Variants in SHISA9 observed in about 807,000 individuals in gnomAD.
SHISA9 encodes shisa family member 9, also known as protein shisa-9.
A neutral mutation model predicts 38.0 loss-of-function variants in SHISA9; 13 were observed. That is an observed-to-expected ratio of 0.34 (90% CI 0.22 to 0.54). The LOEUF (loss-of-function observed/expected upper bound fraction) is 0.54, where lower values mean the gene tolerates loss of function less well. SHISA9 is among the 20% of genes least tolerant of loss of function. The pLI is 0.91. For synonymous variants in SHISA9, 275 were observed against 242.0 expected, an observed-to-expected ratio of 1.14 and a Z score of -1.27; for missense variants, 538 against 575.8, an observed-to-expected ratio of 0.93 and a Z score of 0.67.
chr16:13,296,891 CAAAAAAAAA>C, the SHISA9 span, among the ~76,000 whole-genome samples: 50 of 26,604 alleles, frequency 1.9e-3, no homozygotes, highest in African/African-American at 5.6e-3. Flanking sequence ...AACTCCATCT[CAAAAAAAAA>C]AAAAAAAAAA....
intron 2 of SHISA9, among the ~76,000 whole-genome samples, chr16:13,126,534 GGAGA>G (rs1467418721): frequency 1.4e-5 from 2 of 146,964 alleles, no homozygotes; most frequent in African/African-American, 5.1e-5. Context: ...AGGGAGAGAG[GGAGA>G]GAGAAAGAGA....
At chr16:13,186,326 C>G (rs2050822731) in intron 2 of SHISA9, among the ~76,000 whole-genome samples, 1 of 104,906 alleles carries the variant, frequency 9.5e-6, no homozygotes, top group African/African-American at 3.7e-5. Context: ...GAGATGGAGT[C>G]TTGCTCTGTC....
At chr16:13,309,786 C>T in the SHISA9 span, among the ~76,000 whole-genome samples, 3 of 152,066 alleles carry the variant, frequency 2.0e-5, no homozygotes, top group Non-Finnish European at 4.4e-5. Context: ...TGACCACACT[C>T]TTGGGAACAC....
At chr16:13,472,376 A>ATTTTTTTT in the SHISA9 span, among the ~76,000 whole-genome samples, 6 of 113,434 alleles carry the variant, frequency 5.3e-5, no homozygotes, top group African/African-American at 2.1e-4. Context: ...CGCTCTGCTA[A>ATTTTTTTT]ATTTTTTTTT....
At chr16:13,052,868 A>G (rs2073267783) in intron 2 of SHISA9, among the ~76,000 whole-genome samples, 1 of 152,070 alleles carries the variant, frequency 6.6e-6, no homozygotes, top group South Asian at 2.1e-4. Flanking sequence ...TTGGTTGGGG[A>G]AACTGAGGCT....
chr16:13,430,256 T>C, the SHISA9 span, among the ~76,000 whole-genome samples: 6 of 152,222 alleles, frequency 3.9e-5, no homozygotes, highest in African/African-American at 1.4e-4. Flanking sequence ...ATACAGTCCT[T>C]AATAATCTAA....
At chr16:13,101,720 C>T (rs2073880615) in intron 2 of SHISA9, among the ~76,000 whole-genome samples, 1 of 152,202 alleles carries the variant, frequency 6.6e-6, no homozygotes, top group Non-Finnish European at 1.5e-5. Flanking sequence ...TCCATAGTAG[C>T]TGTACTAATT....
chr16:13,394,654 A>C, the SHISA9 span, among the ~76,000 whole-genome samples: 3 of 152,184 alleles, frequency 2.0e-5, no homozygotes, highest in Non-Finnish European at 4.4e-5. Flanking sequence ...CACAGTAGGA[A>C]ACACTAATGG....
chr16:13,326,879 A>T, the SHISA9 span, among the ~76,000 whole-genome samples: 4 of 151,994 alleles, frequency 2.6e-5, no homozygotes, highest in African/African-American at 2.4e-5. Context: ...ACCTACTTTT[A>T]TTTTTTGTTT....
intron 2 of SHISA9, among the ~76,000 whole-genome samples, chr16:12,975,398 G>A (rs1361907071): frequency 6.6e-6 from 1 of 152,056 alleles, no homozygotes; most frequent in Non-Finnish European, 1.5e-5. Context: ...CAGCTACTCA[G>A]GAGGCTAAGG....
the SHISA9 span, among the ~76,000 whole-genome samples, chr16:13,468,979 A>C: frequency 6.6e-6 from 1 of 151,958 alleles, no homozygotes; most frequent in East Asian, 1.9e-4. Context: ...ACTGTGGCTC[A>C]CACTTGTAAT....
the SHISA9 span, among the ~76,000 whole-genome samples, chr16:13,472,388 T>A: frequency 8.3e-6 from 1 of 120,470 alleles, no homozygotes; most frequent in Non-Finnish European, 1.7e-5. Flanking sequence ...TTTTTTTTTT[T>A]TTTTTTTTTT....
At chr16:13,216,937 T>G (rs1009649280) in intron 4 of SHISA9, among the ~76,000 whole-genome samples, 11 of 152,186 alleles carry the variant, frequency 7.2e-5, no homozygotes, top group African/African-American at 2.6e-4. Flanking sequence ...GAAACAACTG[T>G]CACACCATTT....
intron 2 of SHISA9, among the ~76,000 whole-genome samples, chr16:13,054,208 C>T (rs1490453245): frequency 1.3e-5 from 2 of 152,170 alleles, no homozygotes; most frequent in Non-Finnish European, 2.9e-5. Context: ...TGGCCTTAAG[C>T]AAACCTCCAC....
chr16:12,921,489 G>A (rs1397603256), intron 2 of SHISA9, among the ~76,000 whole-genome samples: 2 of 152,146 alleles, frequency 1.3e-5, no homozygotes, highest in African/African-American at 4.8e-5. Flanking sequence ...GGGAGATTGA[G>A]CATGGCTCAG....
At chr16:13,281,481 T>A in the SHISA9 span, among the ~76,000 whole-genome samples, 2 of 151,716 alleles carry the variant, frequency 1.3e-5, no homozygotes, top group Non-Finnish European at 3.0e-5. Flanking sequence ...TTACATTTAA[T>A]GGAATTACTG....
the SHISA9 span, among the ~76,000 whole-genome samples, chr16:13,528,094 T>C: frequency 6.6e-6 from 1 of 152,140 alleles, no homozygotes; most frequent in Non-Finnish European, 1.5e-5. Context: ...GCCTGGCACT[T>C]CGGGGGGCCT....
At chr16:13,460,964 A>G in the SHISA9 span, among the ~76,000 whole-genome samples, 2 of 152,222 alleles carry the variant, frequency 1.3e-5, no homozygotes, top group African/African-American at 4.8e-5. Flanking sequence ...TCCTTGTTAA[A>G]ACCACTTTCA....
the SHISA9 span, among the ~76,000 whole-genome samples, chr16:13,252,286 A>T: frequency 6.6e-6 from 1 of 152,166 alleles, no homozygotes; most frequent in Non-Finnish European, 1.5e-5. Flanking sequence ...ATCAACTGGG[A>T]CAATGTCGTA....
Sources: gnomAD v4.1 joint callset for allele counts (sites outside exome capture counted in the v4.1 genomes callset) on GRCh38, gnomAD v4.1.1 for gene constraint, MANE v1.5 for transcripts, NCBI Gene and HGNC (gene_info 2026-07-23, HGNC 2026-07-21) for gene names.